ABHD18: variants seen among roughly 807,000 people sequenced by gnomAD.
The protein encoded by ABHD18 is abhydrolase domain containing 18, also known as cardiolipin-specific deacylase, mitochondrial.
A neutral mutation model predicts 65.9 loss-of-function variants in ABHD18; 55 were observed. That is an observed-to-expected ratio of 0.84 (90% CI 0.67 to 1.05). ABHD18 has a LOEUF of 1.05. ABHD18 is among the 50% of genes least tolerant of loss of function. The pLI is 0.00. For missense variants in ABHD18, 533 were observed against 558.5 expected, an observed-to-expected ratio of 0.95 and a Z score of 0.46; for synonymous variants, 181 against 180.2, an observed-to-expected ratio of 1.00 and a Z score of -0.04.
chr4:128,030,550 A>G lies in ABHD18; in HGVS notation c.1221A>G (p.Lys407=). ...DPSLIIVVQA[K]EDAYIPRTGV... ...GCCTCATTATAGTGGTTCAAGCCAA[A>G]GAAGATGCCTATATTCCACGAACAG... The change falls in exon 12 of 13, where the codon AAA becomes AAG. Residue 407 remains lysine, a synonymous_variant. Transcript: ENST00000645843. The G allele has an allele frequency of 6.2e-7, 1 of 1,601,082 alleles. No individual in the cohort carries two copies. The highest frequency in any genetic ancestry group is 1.8e-5 in the Admixed American group (1 of 54,688).
chr4:128,007,097 A>G (rs1753723683), intron 4 of ABHD18, among the ~76,000 whole-genome samples: 1 of 152,090 alleles, frequency 6.6e-6, no homozygotes, highest in African/African-American at 2.4e-5. Flanking sequence ...GTGAGCCAAG[A>G]TCATGCCATT....
intron 4 of ABHD18, among the ~76,000 whole-genome samples, chr4:128,003,367 CAAA>C (rs373482106): frequency 1.8e-5 from 2 of 110,880 alleles, no homozygotes; most frequent in African/African-American, 3.7e-5. Flanking sequence ...GATGCTGTCT[CAAA>C]AAAAAAAAAA....
intron 7 of ABHD18, among the ~76,000 whole-genome samples, chr4:128,013,638 C>G (rs1382552735): frequency 1.3e-5 from 2 of 151,274 alleles, no homozygotes; most frequent in Admixed American, 6.6e-5. Context: ...GCGGAGCTTA[C>G]AGTGAGCCGA....
Position 128,020,915 on chromosome 4 carries a change from T to C in ABHD18, c.700-222T>C, listed in dbSNP as rs1756389506. Among the ~76,000 whole-genome samples, 3 of 152,012 alleles carry C rather than the reference T, an allele frequency of 2.0e-5. No homozygotes were observed. In the South Asian group the frequency reaches 6.2e-4, roughly 31 times the overall value. On this transcript the variant is annotated intron_variant, in intron 9 of 12. Coordinates refer to ENST00000645843, the MANE Select transcript of ABHD18 (RefSeq NM_001358451.3). ...TGGGCGTGGTGGCACATGCCTGTAG[T>C]CTCAGCTACTTGGGAGGCGGAGGCA...
chr4:128,031,372 C>CAGGAGAAT (rs1199494353), intron 12 of ABHD18: 2 of 152,612 alleles, frequency 1.3e-5, no homozygotes, highest in Admixed American at 1.3e-4. Flanking sequence ...GAAGCTGAGG[C>CAGGAGAAT]AGGAGAATGG....
At chr4:127,979,326 C>G (rs1019317558) in intron 1 of ABHD18, among the ~76,000 whole-genome samples, 6 of 152,112 alleles carry the variant, frequency 3.9e-5, no homozygotes, top group Non-Finnish European at 8.8e-5. Context: ...GGAGCTGAGG[C>G]AGGTGGATCA....
Position 127,965,426 on chromosome 4 carries a change from T to G in ABHD18, c.-198T>G. 7.2e-6 allele frequency: 4 copies of G among 552,202 alleles called. No homozygotes were observed. Among genetic ancestry groups the G allele is most frequent in the Non-Finnish European group, 1.3e-5 (4 of 305,458 alleles). 34.2% of individuals were successfully genotyped at this position (552,202 alleles called of 1,614,324 possible). On this transcript the variant is annotated 5_prime_UTR_variant, in exon 1 of 13. Coordinates refer to ENST00000645843, the MANE Select transcript of ABHD18 (RefSeq NM_001358451.3). ...TGTCCAAACTGCCGCGCCGCCCTGC[T>G]CCGGGTTTGTCTTCCTCCCTCCGTT...
In ABHD18 at chr4:128,011,207, G is replaced by A. The variant is rs1312829314; in HGVS notation, c.443-466G>A. Among the ~76,000 whole-genome samples, 6 of 150,992 alleles carry A rather than the reference G, an allele frequency of 4.0e-5. No individual in the cohort carries two copies. The East Asian group carries it at 1.2e-3, about 29-fold the overall frequency. On this transcript the variant is annotated intron_variant, in intron 6 of 12. Transcript: ENST00000645843. ...TGTCGCCCCAGGCTGGAGTGCAGTG[G>A]CACAATCTTGGCTCACTGCAGGCTC... is the stretch of plus-strand genomic sequence containing the variant.
chr4:128,031,854 A>G (rs1758262338), intron 12 of ABHD18, among the ~76,000 whole-genome samples: 1 of 152,208 alleles, frequency 6.6e-6, no homozygotes, highest in South Asian at 2.1e-4. Flanking sequence ...TTGAGTCCCT[A>G]TTGGTGAGTG....
At chr4:128,027,530 C>T (rs552351924) in intron 10 of ABHD18, among the ~76,000 whole-genome samples, 2 of 152,130 alleles carry the variant, frequency 1.3e-5, no homozygotes, top group East Asian at 3.9e-4. Context: ...CTCAGCCTCT[C>T]GAGTAGCTGG....
chr4:127,992,593 C>T (rs1175522090), intron 4 of ABHD18, among the ~76,000 whole-genome samples: 1 of 152,110 alleles, frequency 6.6e-6, no homozygotes, highest in Non-Finnish European at 1.5e-5. Context: ...GGCTAGGGTG[C>T]AGTGGTGCTA....
chr4:127,967,726 A>T (rs1343736180), intron 1 of ABHD18, among the ~76,000 whole-genome samples: 2 of 151,920 alleles, frequency 1.3e-5, no homozygotes, highest in African/African-American at 2.4e-5. Context: ...AAAAAAGAAA[A>T]TGTCTCTTAG....
At position 127,984,343 on chromosome 4, in the gene ABHD18, T is replaced by TTTGAATTCAGAA. The variant is rs1283733864; in HGVS notation, c.98_109dup (p.Arg36_Lys37insIleGluPheArg). On this transcript the variant is annotated inframe_insertion, in exon 3 of 13. Transcript: ENST00000645843. ...TTGTCTTCTTTCCCATAATAGACTC[T>TTTGAATTCAGAA]TTGAATTCAGAAAGATGATTGGAAA... 1 of 1,548,166 alleles carries TTTGAATTCAGAA rather than the reference T, an allele frequency of 6.5e-7. No individual in the cohort carries two copies. Among genetic ancestry groups the TTTGAATTCAGAA allele is most frequent in the African/African-American group, 1.4e-5 (1 of 73,024 alleles).
chr4:127,970,607 A>G (rs139020904), intron 1 of ABHD18, among the ~76,000 whole-genome samples: 5,780 of 143,546 alleles, frequency 0.04, 340 homozygotes, highest in East Asian at 0.26. Context: ...AAAAAAAAAA[A>G]AAAGAAAGAA....
chr4:128,021,721 G>T (rs1295467769), intron 10 of ABHD18, among the ~76,000 whole-genome samples: 1 of 150,092 alleles, frequency 6.7e-6, no homozygotes, highest in Non-Finnish European at 1.5e-5. Flanking sequence ...AAGCAAATAT[G>T]TGGTTTACTA....
intron 2 of ABHD18, among the ~76,000 whole-genome samples, chr4:127,983,679 C>G (rs541421045): frequency 1.3e-5 from 2 of 152,204 alleles, no homozygotes; most frequent in East Asian, 1.9e-4. Flanking sequence ...GCCTGGCTAA[C>G]ATAGTGAAAT....
chr4:128,026,186 G>A (rs1757325656), intron 10 of ABHD18, among the ~76,000 whole-genome samples: 1 of 152,210 alleles, frequency 6.6e-6, no homozygotes, highest in Non-Finnish European at 1.5e-5. Flanking sequence ...CTACCCGGGA[G>A]GCTGAGGCAG....
At chr4:127,970,083 A>G (rs1015873616) in intron 1 of ABHD18, among the ~76,000 whole-genome samples, 28 of 151,414 alleles carry the variant, frequency 1.8e-4, no homozygotes, top group Non-Finnish European at 3.7e-4. Flanking sequence ...AGGTCTCACT[A>G]TGTTGACCAG....
At chr4:128,003,290 C>G (rs1181559014) in intron 4 of ABHD18, among the ~76,000 whole-genome samples, 1 of 151,542 alleles carries the variant, frequency 6.6e-6, no homozygotes, top group Non-Finnish European at 1.5e-5. Context: ...ATCACTTGAA[C>G]CCAGGAGGTG....
Sources: allele counts gnomAD v4.1 joint callset (sites outside exome capture counted in the v4.1 genomes callset), GRCh38; gene constraint gnomAD v4.1.1; transcripts MANE v1.5; gene names NCBI Gene and HGNC (gene_info 2026-07-23, HGNC 2026-07-21).